MYO1D: variants seen among roughly 807,000 people sequenced by gnomAD.
MYO1D encodes unconventional myosin-Id.
A neutral mutation model predicts 122.0 loss-of-function variants in MYO1D; 83 were observed. That is an observed-to-expected ratio of 0.68 (90% CI 0.57 to 0.82). The LOEUF is 0.82. Among genes scored for constraint, MYO1D ranks in the 40% least tolerant of loss-of-function variants. MYO1D has a pLI of 0.00. For synonymous variants in MYO1D, 464 were observed against 446.9 expected (o/e 1.04, Z -0.48); for missense variants, 1,157 against 1,269.5 (o/e 0.91, Z 1.35).
At chr17:32,548,737 G>A (rs1398745044) in intron 21 of MYO1D, among the ~76,000 whole-genome samples, 1 of 146,370 alleles carries the variant, frequency 6.8e-6, no homozygotes, top group Non-Finnish European at 1.5e-5. Flanking sequence ...TTTTTGAGAT[G>A]GAGTCTCACT....
At chr17:32,752,986 T>C (rs2089912443) in intron 11 of MYO1D, among the ~76,000 whole-genome samples, 1 of 152,198 alleles carries the variant, frequency 6.6e-6, no homozygotes, top group Admixed American at 6.5e-5. Flanking sequence ...CATAACATTA[T>C]TCACAATAGC....
Position 32,659,646 on chromosome 17 carries a change from T to C in MYO1D, c.2122-308A>G, listed in dbSNP as rs2088531576. Among the ~76,000 whole-genome samples the C allele has an allele frequency of 1.3e-5, 2 of 152,182 alleles. 1 individual carries two copies. The highest frequency in any genetic ancestry group is 4.1e-4 in the South Asian group (2 of 4,824). ...AGAAGAAAGCCAAAATGCAAATATC[T>C]TTGGATAAATATTTTAGGAATGCTG... On this transcript the variant is annotated intron_variant, in intron 16 of 21. Transcript: ENST00000318217.
intron 10 of MYO1D, among the ~76,000 whole-genome samples, chr17:32,757,846 C>A (rs2089964708): frequency 6.6e-6 from 1 of 152,160 alleles, no homozygotes; most frequent in South Asian, 2.1e-4. Context: ...CTAAGGGATA[C>A]CAGGAGCCAG....
intron 1 of MYO1D, among the ~76,000 whole-genome samples, chr17:32,787,015 C>T (rs1038666926): frequency 6.8e-6 from 1 of 146,730 alleles, no homozygotes; most frequent in African/African-American, 2.5e-5. Context: ...GCAAAGAATA[C>T]AAAAAAAAAT....
chr17:32,718,683 G>C (rs1336641399), intron 15 of MYO1D, among the ~76,000 whole-genome samples: 1 of 151,986 alleles, frequency 6.6e-6, no homozygotes, highest in Non-Finnish European at 1.5e-5. Flanking sequence ...TTGGGTGACA[G>C]AGCAAGACCC....
At chr17:32,700,162 A>C (rs1428464135) in intron 16 of MYO1D, among the ~76,000 whole-genome samples, 3 of 152,246 alleles carry the variant, frequency 2.0e-5, no homozygotes, top group African/African-American at 7.2e-5. Context: ...ACTTTTTGGC[A>C]CCAAGGACCA....
intron 16 of MYO1D, among the ~76,000 whole-genome samples, chr17:32,697,340 C>T (rs2089185870): frequency 6.6e-6 from 1 of 152,196 alleles, no homozygotes; most frequent in Non-Finnish European, 1.5e-5. Flanking sequence ...TCACAGCATA[C>T]TGGAAAAATA....
intron 19 of MYO1D, among the ~76,000 whole-genome samples, chr17:32,646,323 C>T (rs1442302249): frequency 1.3e-5 from 2 of 152,016 alleles, no homozygotes; most frequent in Non-Finnish European, 2.9e-5. Flanking sequence ...TAGAGAATAT[C>T]TAAAATAGGC....
rs2090309849 is a variant in MYO1D at position 32,787,504 on chromosome 17, C to T, written c.96-6720G>A. 2.0e-5 allele frequency among the ~76,000 whole-genome samples: 3 copies of T among 152,080 alleles called. No homozygotes were observed. In the South Asian group the frequency reaches 6.2e-4, roughly 32 times the overall value. ...CATGATCTTGGCTCACTGCAACCTC[C>T]ACCTCCTGGGTTCAAGCGATTCTCC... is the stretch of plus-strand genomic sequence containing the variant. On this transcript the variant is annotated intron_variant, in intron 1 of 21. Transcript: ENST00000318217.
chr17:32,850,927 CT>C (rs34079187), intron 1 of MYO1D, among the ~76,000 whole-genome samples: 64,419 of 149,620 alleles, frequency 0.43, 13,818 homozygotes, highest in East Asian at 0.54. Context: ...CTTATGAAAA[CT>C]TTTTTTTTTT....
chr17:32,519,717 G>T (rs1248787695), intron 21 of MYO1D, among the ~76,000 whole-genome samples: 5 of 152,078 alleles, frequency 3.3e-5, no homozygotes, highest in Non-Finnish European at 7.4e-5. Context: ...TCCCGAGAAG[G>T]TGATGATTTG....
chr17:32,550,378 C>T (rs1216821320), intron 21 of MYO1D, among the ~76,000 whole-genome samples: 11 of 152,204 alleles, frequency 7.2e-5, no homozygotes, highest in South Asian at 6.2e-4. Context: ...GGGATTACTG[C>T]GCCCAGCCTG....
At chr17:32,813,281 T>C (rs771470810) in intron 1 of MYO1D, among the ~76,000 whole-genome samples, 29 of 152,232 alleles carry the variant, frequency 1.9e-4, no homozygotes, top group Non-Finnish European at 3.7e-4. Flanking sequence ...AACATAACTA[T>C]GGTCTGTGTT....
intron 1 of MYO1D, among the ~76,000 whole-genome samples, chr17:32,832,120 C>CTT (rs893648264): frequency 1.4e-5 from 2 of 145,870 alleles, no homozygotes; most frequent in African/African-American, 5.0e-5. Context: ...TTCTTTCTTT[C>CTT]TTTTTTTTTT....
chr17:32,798,869 C>G (rs2090438941), intron 1 of MYO1D, among the ~76,000 whole-genome samples: 1 of 152,120 alleles, frequency 6.6e-6, no homozygotes, highest in Admixed American at 6.5e-5. Context: ...CAATGTGAAC[C>G]AAATTTCTTT....
At chr17:32,833,319 T>G (rs1207411036) in intron 1 of MYO1D, among the ~76,000 whole-genome samples, 4 of 152,208 alleles carry the variant, frequency 2.6e-5, no homozygotes, top group Non-Finnish European at 5.9e-5. Flanking sequence ...ATATCGAGAA[T>G]CCATCTATCT....
chr17:32,816,178 G>C (rs779511509), intron 1 of MYO1D, among the ~76,000 whole-genome samples: 2 of 152,138 alleles, frequency 1.3e-5, no homozygotes, highest in Non-Finnish European at 2.9e-5. Flanking sequence ...GGCACATTTG[G>C]TTCCTGCCCT....
At chr17:32,560,525 CAACATAT>C (rs2087110049) in intron 21 of MYO1D, among the ~76,000 whole-genome samples, 1 of 39,616 alleles carries the variant, frequency 2.5e-5, no homozygotes, top group Non-Finnish European at 5.3e-5. Flanking sequence ...TACCCAGAGA[CAACATAT>C]ATATATATAT....
intron 16 of MYO1D, among the ~76,000 whole-genome samples, chr17:32,697,719 G>GT (rs201252971): frequency 7.6e-4 from 116 of 151,712 alleles, no homozygotes; most frequent in African/African-American, 2.6e-3. Context: ...CAACATCAGG[G>GT]TTTTTTTTCC....
Sources: allele counts gnomAD v4.1 joint callset (sites outside exome capture counted in the v4.1 genomes callset), GRCh38; gene constraint gnomAD v4.1.1; transcripts MANE v1.5; gene names NCBI Gene and HGNC (gene_info 2026-07-23, HGNC 2026-07-21).